Variants in RNF216 observed in about 807,000 individuals in gnomAD.
RNF216 encodes E3 ubiquitin-protein ligase RNF216.
Under a neutral mutation model 110.8 loss-of-function variants are expected in RNF216, and 72 were observed. That is an observed-to-expected ratio of 0.65 (90% confidence interval 0.54 to 0.79). The LOEUF (loss-of-function observed/expected upper bound fraction) is 0.79. Ranked by LOEUF, RNF216 falls within the 30% of genes least tolerant of loss-of-function variation. RNF216 has a pLI of 0.00. For missense variants in RNF216, 1,342 were observed against 1,141.2 expected (o/e 1.18, Z -2.54); for synonymous variants, 495 against 407.5 (o/e 1.21, Z -2.59).
At chr7:5,762,329 C>T (rs1342053934) in intron 1 of RNF216, among the ~76,000 whole-genome samples, 1 of 151,790 alleles carries the variant, frequency 6.6e-6, no homozygotes, top group Non-Finnish European at 1.5e-5. Context: ...TTGAGACCAG[C>T]CTGGCCAACA....
At chr7:5,674,310 A>G (rs1022638475) in intron 13 of RNF216, among the ~76,000 whole-genome samples, 2 of 152,028 alleles carry the variant, frequency 1.3e-5, no homozygotes, top group South Asian at 2.1e-4. Context: ...TTACAAGCGT[A>G]AGCCACTGTG....
chr7:5,728,104 A>G (rs1199380547), intron 7 of RNF216, among the ~76,000 whole-genome samples: 2 of 152,066 alleles, frequency 1.3e-5, no homozygotes, highest in Non-Finnish European at 2.9e-5. Context: ...TCCAAAGCAG[A>G]TGTTTATACT....
chr7:5,686,373 T>C (rs1382447952), intron 13 of RNF216, among the ~76,000 whole-genome samples: 1 of 152,092 alleles, frequency 6.6e-6, no homozygotes. Flanking sequence ...ACAACCACCC[T>C]GAAGGGGGCT....
intron 14 of RNF216, among the ~76,000 whole-genome samples, chr7:5,643,321 TG>T (rs1453578230): frequency 6.6e-6 from 1 of 150,678 alleles, no homozygotes; most frequent in East Asian, 1.9e-4. Context: ...AAGTGAAAAA[TG>T]GGGAAAAATC....
At chr7:5,754,324 TAAAA>T (rs1263125870) in intron 2 of RNF216, among the ~76,000 whole-genome samples, 1 of 151,026 alleles carries the variant, frequency 6.6e-6, no homozygotes, top group Admixed American at 6.6e-5. Context: ...AACAGTTACT[TAAAA>T]AAAAAATTTT....
chr7:5,725,579 G>A (rs1308091033), intron 7 of RNF216, 141 bp from the exon 8 acceptor site: 20 of 621,074 alleles, frequency 3.2e-5, no homozygotes, highest in East Asian at 1.1e-4. Context: ...AGCTGGGTGC[G>A]GTGGCTGACG....
At chr7:5,634,216 G>T (rs1338063267) in intron 15 of RNF216, among the ~76,000 whole-genome samples, 1 of 152,100 alleles carries the variant, frequency 6.6e-6, no homozygotes, top group Non-Finnish European at 1.5e-5. Flanking sequence ...GGGGAAGAAC[G>T]GGTGGCTTTT....
chr7:5,628,993 T>TA (rs1231345243), intron 15 of RNF216, among the ~76,000 whole-genome samples: 1 of 151,772 alleles, frequency 6.6e-6, no homozygotes, highest in East Asian at 1.9e-4. Flanking sequence ...GGCCAGGAGT[T>TA]AAGAGACCAG....
Position 5,642,560 on chromosome 7 carries a change from C to T in RNF216, c.2160-1184G>A, listed in dbSNP as rs756470866. Among the ~76,000 whole-genome samples the T allele has an allele frequency of 1.2e-4, 18 of 151,418 alleles. No homozygotes were observed. The Middle Eastern group carries it at 0.01, about 86-fold the overall frequency. On this transcript the variant is annotated intron_variant, in intron 14 of 16. Transcript: ENST00000389902. Reference sequence around the variant, plus strand: ...GCAACCTCCATTTCCTGGGTTCAAACGGTTCACATGTCTCAGCTTCCCAAG... The same window carrying T: ...GCAACCTCCATTTCCTGGGTTCAAATGGTTCACATGTCTCAGCTTCCCAAG...
At chr7:5,719,610 G>C (rs1267763775) in intron 9 of RNF216, among the ~76,000 whole-genome samples, 2 of 152,156 alleles carry the variant, frequency 1.3e-5, no homozygotes, top group Admixed American at 1.3e-4. Context: ...TCATCAATTT[G>C]CCAATACTTT....
chr7:5,639,049 C>T (rs1199896622), intron 15 of RNF216, among the ~76,000 whole-genome samples: 1 of 152,184 alleles, frequency 6.6e-6, no homozygotes, highest in Non-Finnish European at 1.5e-5. Context: ...GACATTCTGG[C>T]TGGGTCTGTG....
chr7:5,647,834 T>A (rs557716671), intron 14 of RNF216, among the ~76,000 whole-genome samples: 1 of 152,318 alleles, frequency 6.6e-6, no homozygotes, highest in African/African-American at 2.4e-5. Context: ...CAAACCTATA[T>A]TGGAGCCCTA....
intron 5 of RNF216, among the ~76,000 whole-genome samples, chr7:5,733,327 G>A (rs779619326): frequency 6.6e-6 from 1 of 152,206 alleles, no homozygotes; most frequent in African/African-American, 2.4e-5. Context: ...AAAAAGCACA[G>A]AGGGTCAGCA....
chr7:5,632,282 G>C (rs1344071955), intron 15 of RNF216, among the ~76,000 whole-genome samples: 1 of 152,238 alleles, frequency 6.6e-6, no homozygotes, highest in African/African-American at 2.4e-5. Context: ...GAGGGCTGCA[G>C]TCTCTGTGCC....
At chr7:5,720,099 C>G (rs1240680234) in intron 9 of RNF216, among the ~76,000 whole-genome samples, 2 of 152,208 alleles carry the variant, frequency 1.3e-5, no homozygotes, top group Admixed American at 6.5e-5. Context: ...CGACACTGGC[C>G]TGATTCATGC....
intron 2 of RNF216, among the ~76,000 whole-genome samples, chr7:5,758,145 G>T (rs1395838571): frequency 6.6e-6 from 1 of 152,128 alleles, no homozygotes; most frequent in Non-Finnish European, 1.5e-5. Context: ...TGTTCTTAAA[G>T]AAACTGTTCA....
intron 2 of RNF216, among the ~76,000 whole-genome samples, chr7:5,756,970 C>T (rs1795677379): frequency 1.3e-5 from 2 of 152,098 alleles, no homozygotes; most frequent in Admixed American, 6.6e-5. Context: ...TATTTTAGGC[C>T]ATAAGTTTTC....
At chr7:5,732,519 C>T (rs1328983241) in intron 5 of RNF216, among the ~76,000 whole-genome samples, 1 of 152,146 alleles carries the variant, frequency 6.6e-6, no homozygotes, top group Non-Finnish European at 1.5e-5. Flanking sequence ...ATATTAAGAA[C>T]TTCAAATACT....
intron 8 of RNF216, among the ~76,000 whole-genome samples, chr7:5,722,831 G>A (rs1472552057): frequency 1.3e-5 from 2 of 150,082 alleles, no homozygotes; most frequent in Non-Finnish European, 2.9e-5. Flanking sequence ...AGACCAACCT[G>A]TCCAACATGG....
Sources: allele counts gnomAD v4.1 joint callset (sites outside exome capture counted in the v4.1 genomes callset), GRCh38; gene constraint gnomAD v4.1.1; transcripts MANE v1.5; gene names NCBI Gene and HGNC (gene_info 2026-07-23, HGNC 2026-07-21).